The following EWSR1 variants were observed in gnomAD, a reference collection of about 807,000 sequenced individuals.
EWSR1 encodes the protein EWS RNA binding protein 1.
In EWSR1, 14 loss-of-function variants were observed where a neutral mutation model predicts 92.1. The observed-to-expected ratio is 0.15, with a 90% CI of 0.10 to 0.24. The LOEUF (loss-of-function observed/expected upper bound fraction) is 0.24, where lower values mean the gene tolerates loss of function less well. Among genes scored for constraint, EWSR1 ranks in the 10% least tolerant of loss-of-function variants. EWSR1 has a pLI of 1.00. For missense variants in EWSR1, 637 were observed against 870.9 expected (o/e 0.73, Z 3.38); for synonymous variants, 303 against 292.9 (o/e 1.03, Z -0.35).
rs1301856574 is a variant in EWSR1 at position 29,280,883 on chromosome 22, T to G, written c.414-1507T>G. 1.4e-4 allele frequency among the ~76,000 whole-genome samples: 17 copies of G among 119,724 alleles called. No individual in the cohort carries two copies. The South Asian group carries it at 3.4e-3, about 24-fold the overall frequency. The allele number at this position is 119,724 out of a possible 152,430, so 78.5% of individuals were successfully genotyped here. On this transcript the variant is annotated intron_variant, in intron 5 of 16. Transcript: ENST00000397938. ...TGTTGTTTTTTTTTTTTTTTTTTTT[T>G]TTTTTTTTTTTTTTTTGACAGAGTC...
At chr22:29,288,916 A>G in intron 8 of EWSR1, 130 bp downstream of exon 8, 2 of 873,706 alleles carry the variant, frequency 2.3e-6, no homozygotes, top group East Asian at 3.0e-5. Flanking sequence ...AGCTCAAGCC[A>G]TCTTCTAAAA....
chr22:29,288,454 GCCTA>G (rs2060213998), intron 7 of EWSR1, 148 bp from the exon 8 acceptor site: 2 of 633,506 alleles, frequency 3.2e-6, no homozygotes, highest in East Asian at 5.9e-5. Flanking sequence ...ACTTAAAAGA[GCCTA>G]CCTATTAAGG....
intron 6 of EWSR1, among the ~76,000 whole-genome samples, chr22:29,285,435 T>C (rs1199595132): frequency 6.6e-6 from 1 of 151,312 alleles, no homozygotes; most frequent in African/African-American, 2.5e-5. Flanking sequence ...ACCAGTTCTT[T>C]TCAAGCTTCA....
chr22:29,286,833 T>C lies in EWSR1; in HGVS notation c.582-90T>C, dbSNP rs550902371. 5 of 895,348 alleles carry C rather than the reference T, an allele frequency of 5.6e-6. No individual in the cohort carries two copies. In the East Asian group the frequency reaches 7.4e-5, roughly 13 times the overall value. The allele number at this position is 895,348 out of a possible 1,614,324, so 55.5% of individuals were successfully genotyped here. A position where few individuals can be genotyped will look rare whatever the true frequency, so the allele number is the denominator to read the frequency against. On this transcript the variant is annotated intron_variant, in intron 6 of 16. Transcript: ENST00000397938. ...CTGTTTTATGGATGTCTGTGTCACATGGTGTGAATGTCTCTTTTATTCAGG... is the reference window on the plus strand; with the variant it reads ...CTGTTTTATGGATGTCTGTGTCACACGGTGTGAATGTCTCTTTTATTCAGG...
chr22:29,297,316 C>CCTAA (rs1409456983), intron 12 of EWSR1, among the ~76,000 whole-genome samples: 4 of 152,090 alleles, frequency 2.6e-5, no homozygotes, highest in Non-Finnish European at 4.4e-5. Flanking sequence ...CCACGCTGAG[C>CCTAA]CTAACTTTTG....
chr22:29,268,330 A>G lies in EWSR1; in HGVS notation c.-7A>G, dbSNP rs2146556812. The G allele has an allele frequency of 6.2e-7, 1 of 1,614,106 alleles. No homozygotes were observed. The highest frequency in any genetic ancestry group is 8.5e-7 in the Non-Finnish European group (1 of 1,179,958). On this transcript the variant is annotated 5_prime_UTR_variant, in exon 1 of 17. Transcript: ENST00000397938. ...GACGTTGAGAGAACGAGGAGGAAGG[A>G]GAGAAAATGGCGTCCACGGGTGAGT... is the stretch of plus-strand genomic sequence containing the variant.
At chr22:29,290,832 T>A in intron 8 of EWSR1, 1 of 372,474 alleles carries the variant, frequency 2.7e-6, no homozygotes, top group Non-Finnish European at 4.2e-6. Context: ...TATTTAATTT[T>A]AAAGAAAACA....
intron 5 of EWSR1, among the ~76,000 whole-genome samples, chr22:29,281,820 C>T (rs564632824): frequency 7.3e-5 from 11 of 150,352 alleles, no homozygotes; most frequent in African/African-American, 2.0e-4. Flanking sequence ...CTGCTGACCT[C>T]GTGATCCGCC....
At chr22:29,275,816 C>T (rs558354829) in intron 4 of EWSR1, 12 of 230,466 alleles carry the variant, frequency 5.2e-5, no homozygotes, top group South Asian at 1.8e-4. Flanking sequence ...TTAATTTTTA[C>T]GTTGAACAAA....
At chr22:29,289,549 A>G (rs554470648) in intron 8 of EWSR1, 291 of 232,424 alleles carry the variant, frequency 1.3e-3, no homozygotes, top group Non-Finnish European at 1.2e-3. Context: ...TACTTTGATG[A>G]AGGTGAGCTA....
intron 4 of EWSR1, chr22:29,274,161 G>C (rs1022791321): frequency 2.2e-5 from 27 of 1,229,294 alleles, no homozygotes; most frequent in Non-Finnish European, 3.0e-5. Context: ...TACTGAGTAA[G>C]AATGAGTCTT....
chr22:29,294,816 G>A (rs2060723370), intron 11 of EWSR1, among the ~76,000 whole-genome samples: 1 of 151,314 alleles, frequency 6.6e-6, no homozygotes, highest in African/African-American at 2.4e-5. Flanking sequence ...GGGAGTCTGA[G>A]GCAGGAGAAT....
chr22:29,296,011 G>C, intron 11 of EWSR1: 1 of 479,098 alleles, frequency 2.1e-6, no homozygotes. Flanking sequence ...GCAGGAGTGG[G>C]GCCTATCCTG....
intron 12 of EWSR1, among the ~76,000 whole-genome samples, chr22:29,296,716 A>G (rs931989354): frequency 1.3e-5 from 2 of 152,156 alleles, no homozygotes; most frequent in African/African-American, 4.8e-5. Context: ...TAATGGTGGG[A>G]TTTCACTTCA....
intron 5 of EWSR1, among the ~76,000 whole-genome samples, chr22:29,280,232 T>A (rs866556162): frequency 6.6e-6 from 1 of 152,182 alleles, no homozygotes; most frequent in African/African-American, 2.4e-5. Context: ...CATGCCCGGC[T>A]AATTTTTGTA....
chr22:29,268,410 T>C, intron 1 of EWSR1, 61 bp downstream of exon 1: 1 of 1,613,532 alleles, frequency 6.2e-7, no homozygotes, highest in Non-Finnish European at 8.5e-7. Context: ...CTGGGGGTCG[T>C]TCGTCTCTGG....
At chr22:29,283,151 C>T (rs532380133) in intron 6 of EWSR1, among the ~76,000 whole-genome samples, 3 of 152,292 alleles carry the variant, frequency 2.0e-5, no homozygotes, top group African/African-American at 7.2e-5. Flanking sequence ...TTTTAGTTAA[C>T]TCAGATGGGA....
chr22:29,272,185 T>G, intron 1 of EWSR1, 31 bp from the exon 2 acceptor site: 1 of 1,607,304 alleles, frequency 6.2e-7, no homozygotes, highest in Non-Finnish European at 8.5e-7. Context: ...CTGCTAACTT[T>G]ACACTATTTT....
intron 16 of EWSR1, 26 bp downstream of exon 16, chr22:29,299,877 G>A (rs2061203128): frequency 1.3e-6 from 2 of 1,532,138 alleles, no homozygotes; most frequent in Non-Finnish European, 8.8e-7. Context: ...AAGCAGCTGT[G>A]GGCCGCCAGG....
Sources: gnomAD v4.1 joint callset for allele counts (sites outside exome capture counted in the v4.1 genomes callset) on GRCh38, gnomAD v4.1.1 for gene constraint, MANE v1.5 for transcripts, NCBI Gene and HGNC (gene_info 2026-07-23, HGNC 2026-07-21) for gene names.